The following TDRD3 variants were observed in gnomAD, a reference collection of about 807,000 sequenced individuals.
TDRD3 encodes the protein tudor domain containing 3, also known as tudor domain-containing protein 3.
Under a neutral mutation model 86.7 loss-of-function variants are expected in TDRD3, and 45 were observed. That is an observed-to-expected ratio of 0.52 (90% CI 0.41 to 0.67). The LOEUF (loss-of-function observed/expected upper bound fraction) is 0.67, where lower values mean the gene tolerates loss of function less well. Ranked by LOEUF, TDRD3 falls within the 30% of genes least tolerant of loss-of-function variation. The pLI, the probability that TDRD3 is intolerant of heterozygous loss-of-function variation, is 0.00. For synonymous variants in TDRD3, 298 were observed against 301.7 expected, an observed-to-expected ratio of 0.99 and a Z score of 0.13; for missense variants, 814 against 889.0, an observed-to-expected ratio of 0.92 and a Z score of 1.07.
chr13:60,490,777 T>C (rs1468342742), intron 7 of TDRD3, among the ~76,000 whole-genome samples: 1 of 152,038 alleles, frequency 6.6e-6, no homozygotes, highest in Non-Finnish European at 1.5e-5. Context: ...AAGGAGCCAT[T>C]AGGGTTACTG....
chr13:60,564,108 A>G (rs1958397546), intron 12 of TDRD3, among the ~76,000 whole-genome samples: 1 of 152,216 alleles, frequency 6.6e-6, no homozygotes, highest in Non-Finnish European at 1.5e-5. Flanking sequence ...CATATTGAGT[A>G]TTAGTTATTT....
intron 8 of TDRD3, among the ~76,000 whole-genome samples, chr13:60,496,704 C>T (rs1300624599): frequency 3.9e-5 from 6 of 152,148 alleles, no homozygotes; most frequent in African/African-American, 1.4e-4. Flanking sequence ...GTTTGGTGGA[C>T]AAAGTGATGA....
intron 13 of TDRD3, among the ~76,000 whole-genome samples, chr13:60,569,655 GA>G: frequency 6.6e-6 from 1 of 152,116 alleles, no homozygotes; most frequent in Non-Finnish European, 1.5e-5. Flanking sequence ...GGAGGCATCA[GA>G]CTACCTAATT....
chr13:60,542,134 G>A (rs2137853344), intron 12 of TDRD3, among the ~76,000 whole-genome samples: 1 of 152,160 alleles, frequency 6.6e-6, no homozygotes, highest in East Asian at 1.9e-4. Context: ...TGGTTCAGTA[G>A]TCCTAAAACT....
chr13:60,433,568 C>CACA (rs1452820418), intron 1 of TDRD3, among the ~76,000 whole-genome samples: 2 of 152,188 alleles, frequency 1.3e-5, no homozygotes, highest in African/African-American at 4.8e-5. Flanking sequence ...ACACTTACGG[C>CACA]ACAACACTGT....
chr13:60,573,446 GC>G (rs1283126117), intron 13 of TDRD3, among the ~76,000 whole-genome samples, 169 bp from the exon 14 acceptor site: 5 of 151,890 alleles, frequency 3.3e-5, no homozygotes, highest in African/African-American at 1.2e-4. Context: ...CTTTCATATT[GC>G]TTTATAAAGA....
chr13:60,512,256 G>A (rs1957076280), intron 10 of TDRD3, among the ~76,000 whole-genome samples: 2 of 151,998 alleles, frequency 1.3e-5, no homozygotes, highest in Admixed American at 1.3e-4. Flanking sequence ...TCACTGTCAC[G>A]AGAACAGCAC....
chr13:60,507,496 C>A (rs552557165), intron 8 of TDRD3, among the ~76,000 whole-genome samples: 1 of 152,234 alleles, frequency 6.6e-6, no homozygotes, highest in South Asian at 2.1e-4. Context: ...GTCTGTCAGA[C>A]CACAGTGCAA....
intron 12 of TDRD3, among the ~76,000 whole-genome samples, chr13:60,538,245 A>T (rs956669533): frequency 6.6e-6 from 1 of 151,998 alleles, no homozygotes; most frequent in African/African-American, 2.4e-5. Context: ...GAAAGTATTA[A>T]TGTTGTGGTC....
intron 4 of TDRD3, among the ~76,000 whole-genome samples, chr13:60,464,048 C>G (rs1431184311): frequency 6.6e-6 from 1 of 152,106 alleles, no homozygotes; most frequent in Non-Finnish European, 1.5e-5. Flanking sequence ...CCTCTTTTCT[C>G]TTTTGCTGCT....
intron 5 of TDRD3, among the ~76,000 whole-genome samples, chr13:60,474,885 GT>G (rs34490147): frequency 1.4e-5 from 2 of 147,888 alleles, no homozygotes; most frequent in African/African-American, 2.5e-5. Context: ...TTGTCAGAAT[GT>G]TTTTTTTTTC....
chr13:60,501,024 GCTATGGCCAGTGA>G (rs1377420312), intron 8 of TDRD3, among the ~76,000 whole-genome samples: 3 of 152,186 alleles, frequency 2.0e-5, no homozygotes, highest in African/African-American at 7.2e-5. Flanking sequence ...GGCTGACCTG[GCTATGGCCAGTGA>G]CTATTCCTTG....
chr13:60,450,725 A>G (rs1197111438), intron 3 of TDRD3, among the ~76,000 whole-genome samples: 1 of 152,176 alleles, frequency 6.6e-6, no homozygotes, highest in African/African-American at 2.4e-5. Flanking sequence ...ATTGGAGCAC[A>G]TAGCCTAATG....
rs924421226 is a variant in TDRD3 at position 60,510,821 on chromosome 13, G to T, written c.1141+66G>T. On this transcript the variant is annotated intron_variant, in intron 10 of 13. Transcript: ENST00000377881. ...TTCTTTCTTTTTTTTTTTTTTTAGC[G>T]TATTTCTTTTTAAAAGACCAAACTT... is the stretch of plus-strand genomic sequence containing the variant. The T allele has an allele frequency of 5.0e-4, 641 of 1,293,996 alleles. 6 individuals carry two copies. The highest frequency in any genetic ancestry group is 4.5e-4 in the Admixed American group (15 of 33,308). 80.2% of individuals were successfully genotyped at this position (1,293,996 alleles called of 1,614,324 possible).
chr13:60,556,918 C>T (rs1037003090), intron 12 of TDRD3, among the ~76,000 whole-genome samples: 2 of 151,746 alleles, frequency 1.3e-5, no homozygotes, highest in African/African-American at 4.8e-5. Context: ...AATAGAAGTT[C>T]CAGAGGCCGG....
chr13:60,406,443 A>G (rs557409630), intron 1 of TDRD3, among the ~76,000 whole-genome samples: 17 of 152,370 alleles, frequency 1.1e-4, no homozygotes, highest in African/African-American at 3.8e-4. Flanking sequence ...AATAATTATT[A>G]AATTAATTTC....
chr13:60,521,975 G>A (rs1027332436), intron 10 of TDRD3, among the ~76,000 whole-genome samples: 16 of 152,242 alleles, frequency 1.1e-4, no homozygotes, highest in African/African-American at 3.9e-4. Flanking sequence ...CTGGAAGTGG[G>A]ATTTGATAAG....
At chr13:60,547,300 A>G (rs964710588) in intron 12 of TDRD3, 2 of 985,256 alleles carry the variant, frequency 2.0e-6, no homozygotes, top group African/African-American at 3.5e-5. Flanking sequence ...GTGAAAAGGG[A>G]TCTCTGAGGT....
chr13:60,461,399 A>G (rs1173058905), intron 4 of TDRD3, among the ~76,000 whole-genome samples: 1 of 152,204 alleles, frequency 6.6e-6, no homozygotes, highest in Non-Finnish European at 1.5e-5. Flanking sequence ...GGACGAAAAC[A>G]ATGAGAAGGA....
Sources: gnomAD v4.1 joint callset for allele counts (sites outside exome capture counted in the v4.1 genomes callset) on GRCh38, gnomAD v4.1.1 for gene constraint, MANE v1.5 for transcripts, NCBI Gene and HGNC (gene_info 2026-07-23, HGNC 2026-07-21) for gene names.